Variants in KIT observed in about 807,000 individuals in gnomAD.
KIT encodes the protein KIT proto-oncogene, receptor tyrosine kinase.
Under a neutral mutation model 105.7 loss-of-function variants are expected in KIT, and 16 were observed. That is an observed-to-expected ratio of 0.15 (90% CI 0.10 to 0.23). The LOEUF (loss-of-function observed/expected upper bound fraction) is 0.23. Among genes scored for constraint, KIT ranks in the 10% least tolerant of loss-of-function variants. The pLI, the probability that KIT is intolerant of heterozygous loss-of-function variation, is 1.00. For synonymous variants in KIT, 438 were observed against 441.1 expected (o/e 0.99, Z 0.09); for missense variants, 858 against 1,213.8 (o/e 0.71, Z 4.36).
chr4:54,660,461 C>T (rs1355460254), intron 1 of KIT, among the ~76,000 whole-genome samples: 2 of 152,162 alleles, frequency 1.3e-5, no homozygotes. Flanking sequence ...CCAGATAATT[C>T]ATTTATCCCT....
intron 6 of KIT, among the ~76,000 whole-genome samples, chr4:54,707,852 T>C (rs1246113137): frequency 6.6e-6 from 1 of 152,040 alleles, no homozygotes; most frequent in African/African-American, 2.4e-5. Context: ...CTCACAGACT[T>C]TGTGAGTAGA....
intron 15 of KIT, 27 bp from the exon 16 acceptor site, chr4:54,731,844 C>T (rs11735704): frequency 1.2e-6 from 2 of 1,612,012 alleles, no homozygotes; most frequent in Non-Finnish European, 1.7e-6. Flanking sequence ...GTTGTAATTG[C>T]TAAGAAAAAT....
intron 6 of KIT, among the ~76,000 whole-genome samples, chr4:54,709,059 G>A (rs1720972936): frequency 2.0e-5 from 3 of 151,942 alleles, no homozygotes; most frequent in Non-Finnish European, 2.9e-5. Flanking sequence ...TCAGGACACT[G>A]TGGAGAGCAG....
At chr4:54,732,740 C>A (rs1441660504) in intron 16 of KIT, among the ~76,000 whole-genome samples, 1 of 152,050 alleles carries the variant, frequency 6.6e-6, no homozygotes, top group Non-Finnish European at 1.5e-5. Context: ...AAAGGACATT[C>A]AAAGAGATGC....
At chr4:54,662,705 TG>T (rs1717371273) in intron 1 of KIT, among the ~76,000 whole-genome samples, 1 of 152,112 alleles carries the variant, frequency 6.6e-6, no homozygotes, top group Non-Finnish European at 1.5e-5. Flanking sequence ...CCTGAGTAGC[TG>T]GGATTACAGG....
chr4:54,709,466 A>T lies in KIT; in HGVS notation c.1158A>T (p.Glu386Asp). Reference protein sequence around the residue: ...ELHLTRLKGTEGGTYTFLVSN... With the variant: ...ELHLTRLKGTDGGTYTFLVSN... ...ATCTAACGAGATTAAAAGGCACCGA[A>T]GGAGGCACTTACACATTCCTAGTGT... Residue 386 changes from glutamate to aspartate, a missense_variant, in exon 7 of 21, where the codon GAA becomes GAT. Physicochemically the swap from Glu to Asp is conservative, Grantham distance 45 (BLOSUM62 2). Coordinates refer to ENST00000288135, the MANE Select transcript of KIT (RefSeq NM_000222.3). 6.2e-7 allele frequency: 1 copy of T among 1,613,974 alleles called. No homozygotes were observed. The highest frequency in any genetic ancestry group is 8.5e-7 in the Non-Finnish European group (1 of 1,179,816).
Position 54,728,727 on chromosome 4 carries a change from G to T in KIT, c.1990+606G>T, listed in dbSNP as rs562232557. On this transcript the variant is annotated intron_variant, in intron 13 of 20. Coordinates refer to ENST00000288135, the MANE Select transcript of KIT (RefSeq NM_000222.3). ...TCTTCCAATAATCCCCATAAATGTTGCTTCACCACATCATGAATTGTTCAT... is the reference window on the plus strand; with the variant it reads ...TCTTCCAATAATCCCCATAAATGTTTCTTCACCACATCATGAATTGTTCAT... Among the ~76,000 whole-genome samples the T allele has an allele frequency of 2.6e-5, 4 of 152,246 alleles. No individual in the cohort carries two copies. The East Asian group carries it at 7.7e-4, about 29-fold the overall frequency.
intron 1 of KIT, among the ~76,000 whole-genome samples, chr4:54,691,271 AG>A (rs1397585838): frequency 6.6e-6 from 1 of 152,200 alleles, no homozygotes; most frequent in East Asian, 1.9e-4. Context: ...AGTACGATTT[AG>A]GATCCTTACC....
chr4:54,676,911 G>A (rs891920008), intron 1 of KIT, among the ~76,000 whole-genome samples: 25 of 152,260 alleles, frequency 1.6e-4, no homozygotes, highest in African/African-American at 5.3e-4. Context: ...TCACAGCCCA[G>A]CTCCCACCCG....
At chr4:54,684,781 C>T (rs1176397906) in intron 1 of KIT, among the ~76,000 whole-genome samples, 2 of 152,192 alleles carry the variant, frequency 1.3e-5, no homozygotes, top group African/African-American at 4.8e-5. Flanking sequence ...GTTGCCAGGC[C>T]CTGCATCTAG....
chr4:54,664,138 T>C (rs181980595), intron 1 of KIT, among the ~76,000 whole-genome samples: 46 of 152,272 alleles, frequency 3.0e-4, no homozygotes, highest in African/African-American at 1.1e-3. Flanking sequence ...TATTTGAGAT[T>C]AATTTCTGAA....
At chr4:54,660,974 G>T (rs918087070) in intron 1 of KIT, among the ~76,000 whole-genome samples, 8 of 152,222 alleles carry the variant, frequency 5.3e-5, no homozygotes, top group Non-Finnish European at 1.0e-4. Context: ...CGGATTATTT[G>T]TGGAGGGAGG....
chr4:54,738,273 C>T (rs948209941), intron 20 of KIT, among the ~76,000 whole-genome samples, 156 bp from the exon 21 acceptor site: 1 of 152,156 alleles, frequency 6.6e-6, no homozygotes, highest in African/African-American at 2.4e-5. Flanking sequence ...TTTGTTTTGT[C>T]AGTATGACTT....
chr4:54,737,587 G>A (rs1164461204), intron 20 of KIT, among the ~76,000 whole-genome samples: 2 of 152,110 alleles, frequency 1.3e-5, no homozygotes, highest in African/African-American at 4.8e-5. Flanking sequence ...CTGGTCACGG[G>A]GTCAGTATTT....
At chr4:54,733,488 C>T (rs1433649438) in intron 17 of KIT, 1 of 333,852 alleles carries the variant, frequency 3.0e-6, no homozygotes, top group South Asian at 2.7e-5. Context: ...TGATTTTGCT[C>T]AAGTGTAACA....
At chr4:54,680,958 G>A (rs542142854) in intron 1 of KIT, among the ~76,000 whole-genome samples, 6 of 152,204 alleles carry the variant, frequency 3.9e-5, no homozygotes, top group South Asian at 2.1e-4. Context: ...GGATCTGCTC[G>A]GAGGTGAGAC....
chr4:54,727,412 A>G lies in KIT; in HGVS notation c.1648-4A>G. The G allele has an allele frequency of 3.1e-6, 5 of 1,614,122 alleles. No individual in the cohort carries two copies. The highest frequency in any genetic ancestry group is 4.2e-6 in the Non-Finnish European group (5 of 1,180,006). On this transcript the variant is annotated splice_polypyrimidine_tract_variant and splice_region_variant and intron_variant, in intron 10 of 20. Coordinates refer to ENST00000288135, the MANE Select transcript of KIT (RefSeq NM_000222.3). ...GTGATCTATTTTTCCCTTTCTCCCC[A>G]CAGAAACCCATGTATGAAGTACAGT...
intron 1 of KIT, among the ~76,000 whole-genome samples, chr4:54,659,277 C>T (rs1247629545): frequency 2.6e-5 from 4 of 152,216 alleles, no homozygotes; most frequent in Non-Finnish European, 5.9e-5. Context: ...TTGCAGGTTG[C>T]TGGAGCCCCT....
rs201919677 is a variant in KIT, at chr4:54,686,719, AT to A, written c.68-8787del. On this transcript the variant is annotated intron_variant, in intron 1 of 20. Coordinates refer to ENST00000288135, the MANE Select transcript of KIT (RefSeq NM_000222.3). ...GCCACCACACCCAGCTAATTTTTGT[AT>A]TTTTTGTAGAAATGTGGTCTCACCA... is the stretch of plus-strand genomic sequence containing the variant. Among the ~76,000 whole-genome samples, 232 of 152,156 alleles carry A rather than the reference AT, an allele frequency of 1.5e-3. 3 individuals are homozygous for A. The East Asian group carries it at 0.034, about 23-fold the overall frequency.
Sources: gnomAD v4.1 joint callset for allele counts (sites outside exome capture counted in the v4.1 genomes callset) on GRCh38, gnomAD v4.1.1 for gene constraint, MANE v1.5 for transcripts, NCBI Gene and HGNC (gene_info 2026-07-23, HGNC 2026-07-21) for gene names.